IQCH: variants seen among roughly 807,000 people sequenced by gnomAD.
IQCH encodes IQ motif containing H.
IQCH carries 98 observed loss-of-function variants against 117.0 expected under a neutral mutation model. That is an observed-to-expected ratio of 0.84 (90% CI 0.71 to 0.99). IQCH has a LOEUF of 0.99. IQCH is among the 50% of genes least tolerant of loss of function. The probability of loss-of-function intolerance (pLI) is 0.00; values close to 1 mark genes in which losing one functional copy is unlikely to be tolerated. For synonymous variants in IQCH, 412 were observed against 448.2 expected, an observed-to-expected ratio of 0.92 and a Z score of 1.02; for missense variants, 1,102 against 1,243.8, an observed-to-expected ratio of 0.89 and a Z score of 1.72.
chr15:67,305,903 G>A (rs1567082197), intron 4 of IQCH, among the ~76,000 whole-genome samples: 2 of 152,092 alleles, frequency 1.3e-5, no homozygotes, highest in Admixed American at 6.6e-5. Context: ...TGCCTTGGAT[G>A]TTGTATCTAC....
intron 20 of IQCH, among the ~76,000 whole-genome samples, chr15:67,497,003 C>A (rs1263261306): frequency 8.3e-6 from 1 of 121,000 alleles, no homozygotes; most frequent in Non-Finnish European, 1.6e-5. Flanking sequence ...CCGGCCTGGG[C>A]GACAGAGCGA....
At chr15:67,264,000 A>G (rs1299946545) in intron 3 of IQCH, among the ~76,000 whole-genome samples, 1 of 152,216 alleles carries the variant, frequency 6.6e-6, no homozygotes, top group Non-Finnish European at 1.5e-5. Context: ...ATAAATGAAA[A>G]ATATTAGGCA....
chr15:67,449,304 C>T (rs1433482853), intron 16 of IQCH, among the ~76,000 whole-genome samples: 3 of 152,138 alleles, frequency 2.0e-5, no homozygotes, highest in African/African-American at 4.8e-5. Flanking sequence ...TTGCTCATGC[C>T]TATGTCCTGA....
chr15:67,372,986 C>T (rs561623217), intron 9 of IQCH, among the ~76,000 whole-genome samples: 2 of 151,862 alleles, frequency 1.3e-5, no homozygotes, highest in South Asian at 4.2e-4. Flanking sequence ...ACTTTTTCTC[C>T]CTATATATAC....
At chr15:67,268,565 G>T (rs1308566306) in intron 3 of IQCH, among the ~76,000 whole-genome samples, 2 of 152,064 alleles carry the variant, frequency 1.3e-5, no homozygotes, top group South Asian at 2.1e-4. Flanking sequence ...TTTTATGTTC[G>T]CTCTGTTGTG....
intron 18 of IQCH, among the ~76,000 whole-genome samples, chr15:67,482,203 G>C (rs2083357717): frequency 7.5e-6 from 1 of 133,640 alleles, no homozygotes; most frequent in African/African-American, 2.9e-5. Flanking sequence ...ATTGGGATCA[G>C]AACTAATCAA....
rs540531015 is a variant in IQCH at position 67,331,360 on chromosome 15, T to C, written c.388-5615T>C. Among the ~76,000 whole-genome samples, 4 of 151,732 alleles carry C rather than the reference T, an allele frequency of 2.6e-5. No homozygotes were observed. In the South Asian group the frequency reaches 8.3e-4, roughly 32 times the overall value. On this transcript the variant is annotated intron_variant, in intron 4 of 20. Coordinates refer to ENST00000335894, the MANE Select transcript of IQCH (RefSeq NM_001031715.3). ...AGAGCTCAAACATGAGATGATAAAA[T>C]AGAAGAATAAAAAAGGGATATAAGG...
intron 4 of IQCH, among the ~76,000 whole-genome samples, chr15:67,313,923 A>G (rs767265701): frequency 6.6e-6 from 1 of 152,118 alleles, no homozygotes; most frequent in African/African-American, 2.4e-5. Context: ...ACTTTTTTGA[A>G]TAACATTATC....
chr15:67,472,032 G>A lies in IQCH; in HGVS notation c.2677-3664G>A, dbSNP rs898612886. ...AGAGAGAGATGTTGCTATTAAAATA[G>A]ATAACATACACATGGATAAATGCCA... On this transcript the variant is annotated intron_variant, in intron 17 of 20. Transcript: ENST00000335894. This position sits in a 1 kb window ranked among gnomAD's most constrained non-coding sequence, Gnocchi z 4.3. 1.8e-4 allele frequency among the ~76,000 whole-genome samples: 28 copies of A among 152,316 alleles called. No individual in the cohort carries two copies. The highest frequency in any genetic ancestry group is 6.5e-4 in the African/African-American group (27 of 41,586).
At chr15:67,301,430 A>T (rs4776353) in intron 4 of IQCH, among the ~76,000 whole-genome samples, 21 of 122,188 alleles carry the variant, frequency 1.7e-4, no homozygotes, top group African/African-American at 2.8e-4. Context: ...TTTTTTTTGA[A>T]ACCGAGTCTC....
intron 13 of IQCH, among the ~76,000 whole-genome samples, chr15:67,399,011 C>T (rs138058905): frequency 1.3e-5 from 2 of 152,224 alleles, no homozygotes; most frequent in South Asian, 2.1e-4. Flanking sequence ...AGACTTTTAT[C>T]TGATTCAAAC....
chr15:67,354,151 T>C lies in IQCH; in HGVS notation c.638-3194T>C, dbSNP rs539798472. ...AGCTATTGTAACTTTGCTACCAAAA[T>C]TGAAAAAGCACAGTACAAGAAAAAA... On this transcript the variant is annotated intron_variant, in intron 6 of 20. Coordinates refer to ENST00000335894, the MANE Select transcript of IQCH (RefSeq NM_001031715.3). 6.6e-5 allele frequency among the ~76,000 whole-genome samples: 10 copies of C among 152,216 alleles called. No homozygotes were observed. In the East Asian group the frequency reaches 1.9e-3, roughly 29 times the overall value.
chr15:67,383,688 T>A (rs1157584161), intron 10 of IQCH, among the ~76,000 whole-genome samples: 1 of 152,212 alleles, frequency 6.6e-6, no homozygotes, highest in African/African-American at 2.4e-5. Context: ...ATAAAGACAT[T>A]GGAGTTGTAA....
At chr15:67,361,611 T>C (rs543261708) in intron 8 of IQCH, among the ~76,000 whole-genome samples, 8 of 152,352 alleles carry the variant, frequency 5.3e-5, no homozygotes, top group African/African-American at 1.9e-4. Flanking sequence ...AGTTTCTGTG[T>C]CTTTTACTGT....
rs886670948 is a variant in IQCH at position 67,475,135 on chromosome 15, A to G, written c.2677-561A>G. On this transcript the variant is annotated intron_variant, in intron 17 of 20. Transcript: ENST00000335894. The surrounding 1 kb of genome is among the most constrained non-coding windows in gnomAD (Gnocchi z 5.7). ...ATGGGGTCCTGAAACAGAAAAAAGG[A>G]ATTAGGGAAAAACTAATGAAATAGA... Among the ~76,000 whole-genome samples, 1 of 152,196 alleles carries G rather than the reference A, an allele frequency of 6.6e-6. No homozygotes were observed. The highest frequency in any genetic ancestry group is 2.4e-5 in the African/African-American group (1 of 41,434).
Position 67,406,853 on chromosome 15 carries a change from C to G in IQCH, c.2097+6548C>G, listed in dbSNP as rs1971928845. The G allele has an allele frequency of 6.6e-6, 1 of 152,174 alleles. No homozygotes were observed. Among genetic ancestry groups the G allele is most frequent in the African/African-American group, 2.4e-5 (1 of 41,440 alleles). 9.4% of individuals were successfully genotyped at this position (152,174 alleles called of 1,614,324 possible). On this transcript the variant is annotated intron_variant, in intron 14 of 20. Coordinates refer to ENST00000335894, the MANE Select transcript of IQCH (RefSeq NM_001031715.3). The surrounding 1 kb of genome is among the most constrained non-coding windows in gnomAD (Gnocchi z 4.5). The stretch of plus-strand genomic sequence containing the variant: ...GTGGTGACAAGTAAATGAGATAATT[C>G]TATGAATTGGCTAGCAGTGTGCTTA...
chr15:67,293,565 C>A (rs1003550157), intron 4 of IQCH, among the ~76,000 whole-genome samples: 1 of 151,842 alleles, frequency 6.6e-6, no homozygotes, highest in Non-Finnish European at 1.5e-5. Flanking sequence ...GAAAAAGAGT[C>A]TGTATATGTT....
chr15:67,385,492 A>G lies in IQCH; in HGVS notation c.1456+473A>G, dbSNP rs1379797020. Among the ~76,000 whole-genome samples the G allele has an allele frequency of 1.3e-5, 2 of 152,210 alleles. No homozygotes were observed. Among genetic ancestry groups the G allele is most frequent in the African/African-American group, 4.8e-5 (2 of 41,458 alleles). Reference sequence around the variant, plus strand: ...AGAAGCTTTTATTTAAATATAGAGCATCTTATTATTAGAAAACGTGAAGTG... The same window carrying G: ...AGAAGCTTTTATTTAAATATAGAGCGTCTTATTATTAGAAAACGTGAAGTG... On this transcript the variant is annotated intron_variant, in intron 11 of 20. Transcript: ENST00000335894. The surrounding 1 kb of genome is among the most constrained non-coding windows in gnomAD (Gnocchi z 4.6).
chr15:67,326,748 C>A (rs1012147399), intron 4 of IQCH, among the ~76,000 whole-genome samples: 3 of 152,116 alleles, frequency 2.0e-5, no homozygotes, highest in African/African-American at 7.2e-5. Flanking sequence ...TTATAGAAAA[C>A]AACAATTTTC....
Sources: gnomAD v4.1 joint callset for allele counts (sites outside exome capture counted in the v4.1 genomes callset) on GRCh38, gnomAD v4.1.1 for gene constraint, Gnocchi (gnomAD v3.1) non-coding constraint, MANE v1.5 for transcripts, NCBI Gene and HGNC (gene_info 2026-07-23, HGNC 2026-07-21) for gene names.